The following GFRA2 variants were observed in gnomAD, a reference collection of about 807,000 sequenced individuals.
The protein encoded by GFRA2 is GDNF family receptor alpha 2, also known as GDNF family receptor alpha-2.
In GFRA2, 17 loss-of-function variants were observed where a neutral mutation model predicts 48.3. The ratio of observed to expected loss-of-function variants is 0.35; its 90% confidence interval spans 0.24 to 0.53. The LOEUF (loss-of-function observed/expected upper bound fraction) is 0.53, where lower values mean the gene tolerates loss of function less well. GFRA2 is among the 20% of genes least tolerant of loss of function. The pLI is 0.93. For missense variants in GFRA2, 660 were observed against 637.3 expected, an observed-to-expected ratio of 1.04 and a Z score of -0.38; for synonymous variants, 305 against 257.2, an observed-to-expected ratio of 1.19 and a Z score of -1.78.
intron 3 of GFRA2, among the ~76,000 whole-genome samples, chr8:21,764,858 T>C (rs1433457624): frequency 6.6e-6 from 1 of 152,180 alleles, no homozygotes; most frequent in African/African-American, 2.4e-5. Context: ...ACTACTCCCC[T>C]TCCTAGCAAA....
At chr8:21,704,251 A>T (rs1802629633) in intron 6 of GFRA2, among the ~76,000 whole-genome samples, 1 of 152,190 alleles carries the variant, frequency 6.6e-6, no homozygotes, top group Non-Finnish European at 1.5e-5. Flanking sequence ...TTCTCCAAGA[A>T]GCCTTCAGGG....
chr8:21,745,547 T>C (rs969021249), intron 4 of GFRA2, among the ~76,000 whole-genome samples: 13 of 152,192 alleles, frequency 8.5e-5, no homozygotes, highest in Non-Finnish European at 1.8e-4. Context: ...CATTGGGCTC[T>C]CCCATTTTCA....
At position 21,788,425 on chromosome 8, in the gene GFRA2, G is replaced by T; in HGVS notation, c.-266C>A. ...TCAAATATACGCGTATCTGTGTATC[G>T]GCTTTCTAAGCCAACAGCCCAGTCC... On this transcript the variant is annotated 5_prime_UTR_variant, in exon 1 of 9. Coordinates refer to ENST00000524240, the MANE Select transcript of GFRA2 (RefSeq NM_001495.5). 8.0e-7 allele frequency: 1 copy of T among 1,246,568 alleles called. No individual in the cohort carries two copies. Among genetic ancestry groups the T allele is most frequent in the South Asian group, 2.4e-5 (1 of 41,916 alleles). The allele number at this position is 1,246,568 out of a possible 1,614,324, so 77.2% of individuals were successfully genotyped here.
chr8:21,769,900 G>C (rs1267326596), intron 3 of GFRA2, among the ~76,000 whole-genome samples: 1 of 152,122 alleles, frequency 6.6e-6, no homozygotes, highest in Non-Finnish European at 1.5e-5. Context: ...AGGACCACAG[G>C]AGCATCCAAT....
intron 1 of GFRA2, among the ~76,000 whole-genome samples, chr8:21,811,822 A>C (rs1367108732): frequency 6.6e-6 from 1 of 150,584 alleles, no homozygotes; most frequent in Non-Finnish European, 1.5e-5. Context: ...TTCTGGACTC[A>C]CAGGAAGTTG....
chr8:21,780,033 T>C (rs1217448252), intron 2 of GFRA2, among the ~76,000 whole-genome samples: 1 of 151,226 alleles, frequency 6.6e-6, no homozygotes, highest in Non-Finnish European at 1.5e-5. Context: ...TGTTAGATTT[T>C]AAACTGCTCG....
intron 4 of GFRA2, among the ~76,000 whole-genome samples, chr8:21,715,833 G>A (rs770049542): frequency 8.5e-5 from 13 of 152,184 alleles, no homozygotes; most frequent in Non-Finnish European, 1.5e-4. Flanking sequence ...GAATACACAT[G>A]CAGCTAACCG....
At chr8:21,799,276 G>T (rs1807729868) in intron 2 of GFRA2, among the ~76,000 whole-genome samples, 1 of 150,802 alleles carries the variant, frequency 6.6e-6, no homozygotes, top group South Asian at 2.1e-4. Flanking sequence ...GGAGTGCAGT[G>T]GCGCGATCGC....
At chr8:21,714,967 G>A (rs144411382) in intron 4 of GFRA2, among the ~76,000 whole-genome samples, 92 of 152,336 alleles carry the variant, frequency 6.0e-4, no homozygotes, top group African/African-American at 1.6e-3. Context: ...AGCCCCAAGT[G>A]CCTCTGGAAT....
In GFRA2 at chr8:21,718,036, T is replaced by C. The variant is rs1473967596; in HGVS notation, c.795-11995A>G. ...AGCAGGTAATTAAAGGAGGCCTTAG[T>C]TTCCTCATCTGCAAAATGGAGGTAA... On this transcript the variant is annotated intron_variant, in intron 4 of 8. Coordinates refer to ENST00000524240, the MANE Select transcript of GFRA2 (RefSeq NM_001495.5). Among the ~76,000 whole-genome samples, 3 of 152,218 alleles carry C rather than the reference T, an allele frequency of 2.0e-5. No individual in the cohort carries two copies. In the East Asian group the frequency reaches 5.8e-4, roughly 29 times the overall value.
At chr8:21,709,147 G>C (rs971708028) in intron 4 of GFRA2, among the ~76,000 whole-genome samples, 5 of 152,176 alleles carry the variant, frequency 3.3e-5, no homozygotes, top group African/African-American at 1.2e-4. Flanking sequence ...CCACCAAAGG[G>C]CATCCAAGCA....
chr8:21,720,826 C>G (rs149825258), intron 4 of GFRA2, among the ~76,000 whole-genome samples: 156 of 152,302 alleles, frequency 1.0e-3, no homozygotes, highest in African/African-American at 3.7e-3. Context: ...GCACTGGCAT[C>G]ACTGTATCAT....
intron 4 of GFRA2, among the ~76,000 whole-genome samples, chr8:21,719,789 G>A (rs1803508040): frequency 6.6e-6 from 1 of 151,136 alleles, no homozygotes; most frequent in Admixed American, 6.6e-5. Context: ...CCTCCCTCCT[G>A]CTCATGAGTA....
intron 4 of GFRA2, among the ~76,000 whole-genome samples, chr8:21,710,408 C>T (rs1037358003): frequency 6.6e-6 from 1 of 152,240 alleles, no homozygotes; most frequent in Non-Finnish European, 1.5e-5. Flanking sequence ...GAAAAACAGA[C>T]CCACTTATCC....
chr8:21,805,561 C>T (rs183213474), intron 1 of GFRA2, among the ~76,000 whole-genome samples: 4 of 152,298 alleles, frequency 2.6e-5, no homozygotes, highest in Admixed American at 2.6e-4. Context: ...TCTGCATTCA[C>T]ACAGTTTCTG....
chr8:21,742,273 C>T (rs1585282858), intron 4 of GFRA2, among the ~76,000 whole-genome samples: 1 of 152,066 alleles, frequency 6.6e-6, no homozygotes, highest in Admixed American at 6.6e-5. Flanking sequence ...GGCGGTGGGG[C>T]CCTCATGACG....
chr8:21,786,867 A>G (rs1807297128), intron 1 of GFRA2, among the ~76,000 whole-genome samples: 1 of 152,012 alleles, frequency 6.6e-6, no homozygotes, highest in African/African-American at 2.4e-5. Context: ...CAGATCCCCT[A>G]CTGCAGGAGG....
intron 4 of GFRA2, among the ~76,000 whole-genome samples, chr8:21,731,743 G>A (rs565224562): frequency 6.6e-6 from 1 of 152,210 alleles, no homozygotes; most frequent in East Asian, 1.9e-4. Context: ...ATGGAAGAAA[G>A]CTCCGAGAGG....
At chr8:21,796,475 G>C (rs1807679677) in intron 2 of GFRA2, among the ~76,000 whole-genome samples, 1 of 152,222 alleles carries the variant, frequency 6.6e-6, no homozygotes, top group Admixed American at 6.5e-5. Context: ...GTCTGAGCTG[G>C]ACTGTCACTC....
Sources: gnomAD v4.1 joint callset for allele counts (sites outside exome capture counted in the v4.1 genomes callset) on GRCh38, gnomAD v4.1.1 for gene constraint, MANE v1.5 for transcripts, NCBI Gene and HGNC (gene_info 2026-07-23, HGNC 2026-07-21) for gene names.